Variants in ADCY5 observed in about 807,000 individuals in gnomAD.
ADCY5 encodes adenylate cyclase type 5.
Under a neutral mutation model 119.7 loss-of-function variants are expected in ADCY5, and 30 were observed. The ratio of observed to expected loss-of-function variants is 0.25; its 90% CI spans 0.19 to 0.34. The LOEUF is 0.34. Among genes scored for constraint, ADCY5 ranks in the 10% least tolerant of loss-of-function variants. The probability of loss-of-function intolerance (pLI) is 1.00; values close to 1 mark genes in which losing one functional copy is unlikely to be tolerated. For missense variants in ADCY5, 1,324 were observed against 1,775.2 expected, an observed-to-expected ratio of 0.75 and a Z score of 4.57; for synonymous variants, 753 against 762.2, an observed-to-expected ratio of 0.99 and a Z score of 0.20.
At chr3:123,358,687 C>T (rs185625425) in intron 1 of ADCY5, among the ~76,000 whole-genome samples, 2 of 152,280 alleles carry the variant, frequency 1.3e-5, no homozygotes, top group African/African-American at 4.8e-5. Context: ...CAGGACCACA[C>T]CAGGAGAGAC....
chr3:123,445,383 A>C (rs1576702166), intron 1 of ADCY5, among the ~76,000 whole-genome samples: 2 of 141,854 alleles, frequency 1.4e-5, no homozygotes, highest in African/African-American at 2.6e-5. Flanking sequence ...TCTGACTCCA[A>C]CCCCCCTCAG....
At chr3:123,388,019 G>A (rs960547346) in intron 1 of ADCY5, among the ~76,000 whole-genome samples, 29 of 152,240 alleles carry the variant, frequency 1.9e-4, no homozygotes, top group African/African-American at 7.0e-4. Context: ...ACACTGGAGG[G>A]ACAGAAAGCA....
At chr3:123,428,453 G>A (rs899158666) in intron 1 of ADCY5, among the ~76,000 whole-genome samples, 4 of 152,186 alleles carry the variant, frequency 2.6e-5, no homozygotes, top group Non-Finnish European at 5.9e-5. Context: ...CTGGATTACA[G>A]TGTCTCCATC....
chr3:123,399,586 A>G (rs1468769081), intron 1 of ADCY5, among the ~76,000 whole-genome samples: 1 of 152,088 alleles, frequency 6.6e-6, no homozygotes, highest in East Asian at 1.9e-4. Flanking sequence ...TGGAGAGTAC[A>G]TTATTGTTAA....
Position 123,284,239 on chromosome 3 carries a change from G to C in ADCY5, c.*369C>G, listed in dbSNP as rs897315961. On this transcript the variant is annotated 3_prime_UTR_variant, in exon 21 of 21. Coordinates refer to ENST00000462833, the MANE Select transcript of ADCY5 (RefSeq NM_183357.3). ...CCACATTCGAGCCCGTCTACCCCCA[G>C]CTGAGTCGGAGGCCCCTCAGCCCTG... 4.0e-5 allele frequency: 8 copies of C among 197,720 alleles called. No individual in the cohort carries two copies. The East Asian group carries it at 1.1e-3, about 26-fold the overall frequency. 12.2% of individuals were successfully genotyped at this position (197,720 alleles called of 1,614,324 possible).
At chr3:123,345,470 G>A (rs76422162) in intron 3 of ADCY5, among the ~76,000 whole-genome samples, 1,974 of 152,316 alleles carry the variant, frequency 0.013, 27 homozygotes, top group Middle Eastern at 0.02. Flanking sequence ...TTGTCCATGC[G>A]GTGCCAGGGA....
chr3:123,402,366 G>A (rs1476486452), intron 1 of ADCY5, among the ~76,000 whole-genome samples: 2 of 152,274 alleles, frequency 1.3e-5, no homozygotes, highest in African/African-American at 4.8e-5. Context: ...CTCCAACCCA[G>A]AGTTACTATT....
chr3:123,369,807 A>G (rs1418817825), intron 1 of ADCY5, among the ~76,000 whole-genome samples: 1 of 152,196 alleles, frequency 6.6e-6, no homozygotes, highest in African/African-American at 2.4e-5. Context: ...GTGACCAAAC[A>G]GCTCTCAGCT....
At chr3:123,422,595 G>A (rs1233376184) in intron 1 of ADCY5, among the ~76,000 whole-genome samples, 1 of 152,228 alleles carries the variant, frequency 6.6e-6, no homozygotes, top group African/African-American at 2.4e-5. Flanking sequence ...CAGCCACTGA[G>A]TCACAACTGC....
chr3:123,303,072 T>C lies in ADCY5; in HGVS notation c.2707A>G (p.Asn903Asp), dbSNP rs978358462. 4.3e-6 allele frequency: 7 copies of C among 1,613,638 alleles called. No homozygotes were observed. The highest frequency in any genetic ancestry group is 5.9e-6 in the Non-Finnish European group (7 of 1,179,996). The change falls in exon 14 of 21, where the codon AAC becomes GAC. Residue 903 changes from asparagine (N) to aspartate (D), a missense_variant. By Grantham distance (23) the Asn-to-Asp change is conservative (BLOSUM62 1). Coordinates refer to ENST00000462833, the MANE Select transcript of ADCY5 (RefSeq NM_183357.3). ...EQGFCGSPWP[N>D]CNFPEYFTYS... ...CCCAGTACCTCGGGGAAGTTGCAGT[T>C]GGGCCAGGGGCTGCCACAGAAGCCC...
chr3:123,292,113 A>G (rs1939191108), intron 17 of ADCY5, among the ~76,000 whole-genome samples: 1 of 152,234 alleles, frequency 6.6e-6, no homozygotes, highest in Non-Finnish European at 1.5e-5. Context: ...GCTGAAGGGA[A>G]GAGGTGTCAC....
At position 123,284,314 on chromosome 3, in the gene ADCY5, T is replaced by C; in HGVS notation, c.*294A>G. On this transcript the variant is annotated 3_prime_UTR_variant, in exon 21 of 21. Coordinates refer to ENST00000462833, the MANE Select transcript of ADCY5 (RefSeq NM_183357.3). ...CACATTCCCACGGCTCCTTTCCACCTGTGCAGCAGCACCTGTTAGAAAACT... is the reference window on the plus strand; with the variant it reads ...CACATTCCCACGGCTCCTTTCCACCCGTGCAGCAGCACCTGTTAGAAAACT... The C allele has an allele frequency of 2.7e-6, 1 of 370,798 alleles. No individual in the cohort carries two copies. Among genetic ancestry groups the C allele is most frequent in the Non-Finnish European group, 5.0e-6 (1 of 199,990 alleles). The allele number at this position is 370,798 out of a possible 1,614,324, so 23.0% of individuals were successfully genotyped here. A position where few individuals can be genotyped will look rare whatever the true frequency, so the allele number is the denominator to read the frequency against.
rs550224532 is a variant in ADCY5, at chr3:123,347,542, T to C, written c.1406+240A>G. 1.2e-4 allele frequency among the ~76,000 whole-genome samples: 18 copies of C among 152,166 alleles called. No homozygotes were observed. In the South Asian group the frequency reaches 3.5e-3, roughly 30 times the overall value. The stretch of plus-strand genomic sequence containing the variant: ...TCCTTTCTCCTCCTCCTGTTTTTAT[T>C]CTCTCCCTGCAGCCTCACTGTCCCT... On this transcript the variant is annotated intron_variant, in intron 3 of 20. Transcript: ENST00000462833.
intron 17 of ADCY5, among the ~76,000 whole-genome samples, chr3:123,295,285 T>C (rs142928442): frequency 6.6e-6 from 1 of 152,002 alleles, no homozygotes; most frequent in African/African-American, 2.4e-5. Context: ...GGTCTAGAGA[T>C]AGGGGCCGGG....
intron 1 of ADCY5, among the ~76,000 whole-genome samples, chr3:123,386,631 G>A (rs375429202): frequency 2.0e-5 from 3 of 152,088 alleles, no homozygotes; most frequent in South Asian, 4.1e-4. Flanking sequence ...CCTCCCTCAA[G>A]GCTACCTGAG....
chr3:123,349,401 C>T (rs1942728421), intron 2 of ADCY5, among the ~76,000 whole-genome samples: 1 of 152,214 alleles, frequency 6.6e-6, no homozygotes, highest in Non-Finnish European at 1.5e-5. Flanking sequence ...CTTGTCCTTT[C>T]TGTTCTGTGC....
chr3:123,320,681 T>C (rs1444133346), intron 9 of ADCY5, 68 bp downstream of exon 9: 1 of 1,585,164 alleles, frequency 6.3e-7, no homozygotes, highest in Non-Finnish European at 8.7e-7. Context: ...AGAAACCAAG[T>C]GATAAGGTGG....
intron 1 of ADCY5, among the ~76,000 whole-genome samples, chr3:123,374,878 G>A (rs1040929832): frequency 2.6e-5 from 4 of 152,204 alleles, no homozygotes; most frequent in Non-Finnish European, 5.9e-5. Context: ...GACCTTGACA[G>A]AGACGGAAAG....
intron 1 of ADCY5, among the ~76,000 whole-genome samples, chr3:123,359,363 T>TATATATATATATATATATATATA (rs1943163024): frequency 4.5e-5 from 6 of 132,694 alleles, no homozygotes; most frequent in Non-Finnish European, 8.0e-5. Context: ...TATATATATA[T>TATATATATATATATATATATATA]TCATTATTTA....
Sources: gnomAD v4.1 joint callset for allele counts (sites outside exome capture counted in the v4.1 genomes callset) on GRCh38, gnomAD v4.1.1 for gene constraint, MANE v1.5 for transcripts, NCBI Gene and HGNC (gene_info 2026-07-23, HGNC 2026-07-21) for gene names.